MTARC2: variants seen among roughly 807,000 people sequenced by gnomAD.
The protein encoded by MTARC2 is mitochondrial amidoxime reducing component 2.
In MTARC2, 27 loss-of-function variants were observed where a neutral mutation model predicts 35.6. That is an observed-to-expected ratio of 0.76 (90% CI 0.56 to 1.04). MTARC2 has a LOEUF of 1.04. Ranked by LOEUF, MTARC2 falls within the 50% of genes least tolerant of loss-of-function variation. The probability of loss-of-function intolerance (pLI) is 0.00; values close to 1 mark genes in which losing one functional copy is unlikely to be tolerated. For missense variants in MTARC2, 412 were observed against 432.5 expected (o/e 0.95, Z 0.42); for synonymous variants, 158 against 167.1 (o/e 0.95, Z 0.42).
Position 220,776,054 on chromosome 1 carries a change from T to TG in MTARC2, c.751-3963dup, listed in dbSNP as rs1321503144. 3.9e-5 allele frequency among the ~76,000 whole-genome samples: 6 copies of TG among 152,332 alleles called. No individual in the cohort carries two copies. The East Asian group carries it at 1.2e-3, about 29-fold the overall frequency. On this transcript the variant is annotated intron_variant, in intron 4 of 7. Transcript: ENST00000366913. Reference sequence around the variant, plus strand: ...TTGGGTATATACCCAGTAATGGGATTGCTAGGTTGAATGATGGTTCTATTT... The same window carrying TG: ...TTGGGTATATACCCAGTAATGGGATTGGCTAGGTTGAATGATGGTTCTATTT...
At chr1:220,768,945 G>A (rs1240149162) in intron 4 of MTARC2, among the ~76,000 whole-genome samples, 1 of 152,102 alleles carries the variant, frequency 6.6e-6, no homozygotes, top group Non-Finnish European at 1.5e-5. Context: ...ATTTTTAGGG[G>A]ACTCCAGCAA....
At position 220,755,042 on chromosome 1, in the gene MTARC2, T is replaced by C; in HGVS notation, c.368T>C (p.Leu123Pro). Residue 123 changes from leucine (L) to proline (P), a missense_variant, in exon 2 of 8, where the codon CTG becomes CCG. Transcript: ENST00000366913. ...LISIIYENNC[L>P]IFRAPDMDQL... ...TCCATCATTTATGAGAATAACTGCC[T>C]GATCTTCAGGGCTCCAGACATGGAC... is the stretch of plus-strand genomic sequence containing the variant. 6.2e-7 allele frequency: 1 copy of C among 1,613,392 alleles called. No homozygotes were observed. Among genetic ancestry groups the C allele is most frequent in the Non-Finnish European group, 8.5e-7 (1 of 1,179,720 alleles).
chr1:220,762,812 A>G (rs1480761141), intron 3 of MTARC2, 98 bp from the exon 4 acceptor site: 5 of 1,285,458 alleles, frequency 3.9e-6, no homozygotes, highest in African/African-American at 1.5e-5. Flanking sequence ...CCTCTTCTGC[A>G]CTGAAGAGGT....
chr1:220,763,529 G>A (rs1671498334), intron 4 of MTARC2, among the ~76,000 whole-genome samples: 2 of 152,096 alleles, frequency 1.3e-5, no homozygotes, highest in East Asian at 3.9e-4. Context: ...GCACCCACAT[G>A]CTCTTCTATG....
intron 4 of MTARC2, chr1:220,770,445 C>T (rs1418979618): frequency 3.0e-6 from 3 of 985,358 alleles, no homozygotes; most frequent in East Asian, 1.1e-4. Flanking sequence ...GAGTGTGATA[C>T]GTGAACGCAC....
rs560378007 is a variant in MTARC2, at chr1:220,784,657, T to C, written c.*770T>C. 17 of 152,324 alleles carry C rather than the reference T, an allele frequency of 1.1e-4. No homozygotes were observed. The highest frequency in any genetic ancestry group is 3.8e-4 in the African/African-American group (16 of 41,574). 9.4% of individuals were successfully genotyped at this position (152,324 alleles called of 1,614,324 possible). ...TGCAAGGAAGACAGCATGAACATAT[T>C]TTTTTCAGTGCAAATAATTTTTTCG... On this transcript the variant is annotated 3_prime_UTR_variant, in exon 8 of 8. Transcript: ENST00000366913.
chr1:220,776,864 G>GCTTCCATTCCTGGGTCC (rs1671931695), intron 4 of MTARC2, among the ~76,000 whole-genome samples: 1 of 151,958 alleles, frequency 6.6e-6, no homozygotes, highest in African/African-American at 2.4e-5. Flanking sequence ...CGGCTGGGTC[G>GCTTCCATTCCTGGGTCC]GCTTCCATTC....
chr1:220,769,401 C>T (rs78617283), intron 4 of MTARC2, among the ~76,000 whole-genome samples: 1,623 of 152,304 alleles, frequency 0.011, 13 homozygotes, highest in Non-Finnish European at 0.018. Context: ...GCCGGTGGGT[C>T]CCCCTCTGGC....
chr1:220,751,233 A>C (rs1394612110), intron 1 of MTARC2, among the ~76,000 whole-genome samples: 1 of 152,172 alleles, frequency 6.6e-6, no homozygotes, highest in African/African-American at 2.4e-5. Context: ...TCAAATTTCT[A>C]AAGGTATTTT....
intron 4 of MTARC2, among the ~76,000 whole-genome samples, chr1:220,777,929 G>A (rs968894406): frequency 9.2e-5 from 14 of 152,134 alleles, no homozygotes; most frequent in African/African-American, 3.4e-4. Context: ...AAATACCTGA[G>A]ACTGGATAAT....
At chr1:220,751,991 C>A (rs1316194351) in intron 1 of MTARC2, among the ~76,000 whole-genome samples, 1 of 152,164 alleles carries the variant, frequency 6.6e-6, no homozygotes, top group African/African-American at 2.4e-5. Flanking sequence ...CAAATGGTAA[C>A]CTTTTAACCT....
At position 220,780,160 on chromosome 1, in the gene MTARC2, C is replaced by T. The variant is rs765360425; in HGVS notation, c.813-8C>T. 2 of 1,612,754 alleles carry T rather than the reference C, an allele frequency of 1.2e-6. No homozygotes were observed. The highest frequency in any genetic ancestry group is 3.3e-5 in the Admixed American group (2 of 59,706). ...AGCATCACCTAACCCTTGGTTACTG[C>T]ATAACAGGTGTATTTTGACAACGGT... On this transcript the variant is annotated splice_region_variant and splice_polypyrimidine_tract_variant and intron_variant, in intron 5 of 7. Transcript: ENST00000366913.
chr1:220,760,383 A>G (rs75038397), intron 2 of MTARC2, among the ~76,000 whole-genome samples: 2,038 of 152,354 alleles, frequency 0.013, 33 homozygotes, highest in East Asian at 0.06. Context: ...ATGACAAATC[A>G]CTATGTGAAA....
chr1:220,757,240 T>C (rs1671304919), intron 2 of MTARC2, among the ~76,000 whole-genome samples: 1 of 151,962 alleles, frequency 6.6e-6, no homozygotes, highest in African/African-American at 2.4e-5. Context: ...CATGCATGAA[T>C]TGTAGATCTG....
intron 1 of MTARC2, among the ~76,000 whole-genome samples, chr1:220,750,720 G>A (rs1671103851): frequency 6.6e-6 from 1 of 152,176 alleles, no homozygotes. Flanking sequence ...TAACAATCTT[G>A]TGGGCTAGAT....
intron 4 of MTARC2, among the ~76,000 whole-genome samples, chr1:220,769,851 T>TG (rs1487594850): frequency 6.7e-6 from 1 of 149,078 alleles, no homozygotes; most frequent in Admixed American, 6.8e-5. Context: ...CTTTTTCTTT[T>TG]TTTTTTTGGC....
intron 4 of MTARC2, among the ~76,000 whole-genome samples, chr1:220,763,414 A>C (rs1671495807): frequency 6.6e-6 from 1 of 152,190 alleles, no homozygotes; most frequent in East Asian, 1.9e-4. Context: ...GAGCTCTCAA[A>C]GATTTGAGAC....
At chr1:220,776,051 G>A (rs1403736862) in intron 4 of MTARC2, among the ~76,000 whole-genome samples, 1 of 152,192 alleles carries the variant, frequency 6.6e-6, no homozygotes, top group Non-Finnish European at 1.5e-5. Context: ...CCAGTAATGG[G>A]ATTGCTAGGT....
chr1:220,776,409 C>T (rs1671916111), intron 4 of MTARC2, among the ~76,000 whole-genome samples: 1 of 151,890 alleles, frequency 6.6e-6, no homozygotes, highest in Admixed American at 6.6e-5. Context: ...TAATTTCATG[C>T]ATTATTAAAT....
Sources: allele counts gnomAD v4.1 joint callset (sites outside exome capture counted in the v4.1 genomes callset), GRCh38; gene constraint gnomAD v4.1.1; transcripts MANE v1.5; gene names NCBI Gene and HGNC (gene_info 2026-07-23, HGNC 2026-07-21).